Variants in ARHGAP42 observed in about 807,000 individuals in gnomAD.
ARHGAP42 encodes the protein rho GTPase-activating protein 42.
A neutral mutation model predicts 125.0 loss-of-function variants in ARHGAP42; 63 were observed. That is an observed-to-expected ratio of 0.50 (90% CI 0.41 to 0.62). ARHGAP42 has a LOEUF of 0.62. Ranked by LOEUF, ARHGAP42 falls within the 20% of genes least tolerant of loss-of-function variation. ARHGAP42 has a pLI of 0.00. For synonymous variants in ARHGAP42, 339 were observed against 351.0 expected (o/e 0.97, Z 0.38); for missense variants, 766 against 1,024.2 (o/e 0.75, Z 3.44).
chr11:100,791,673 C>T (rs1232901467), intron 2 of ARHGAP42, among the ~76,000 whole-genome samples: 2 of 150,492 alleles, frequency 1.3e-5, no homozygotes, highest in Non-Finnish European at 3.0e-5. Context: ...AAGTCCTTTC[C>T]CTGAAAAATC....
intron 23 of ARHGAP42, 123 bp downstream of exon 23, chr11:100,987,715 A>G (rs1252548508): frequency 9.2e-6 from 8 of 865,778 alleles, no homozygotes; most frequent in African/African-American, 1.7e-5. Context: ...CCTGCCTCTC[A>G]TAACGGGCAT....
At chr11:100,779,516 A>G (rs1278496421) in intron 2 of ARHGAP42, among the ~76,000 whole-genome samples, 2 of 142,994 alleles carry the variant, frequency 1.4e-5, no homozygotes, top group African/African-American at 5.1e-5. Context: ...ACGTATATAT[A>G]TACGTATACA....
intron 1 of ARHGAP42, among the ~76,000 whole-genome samples, chr11:100,760,907 G>A (rs910122154): frequency 2.0e-5 from 3 of 152,092 alleles, no homozygotes; most frequent in African/African-American, 7.2e-5. Flanking sequence ...GAAATGGGCT[G>A]TAACTGAGGC....
intron 1 of ARHGAP42, among the ~76,000 whole-genome samples, chr11:100,718,289 C>A (rs1206605842): frequency 6.6e-6 from 1 of 152,154 alleles, no homozygotes; most frequent in East Asian, 1.9e-4. Context: ...TTGTGAATAG[C>A]TCTTGAAGGT....
At chr11:100,894,442 A>G (rs1866293449) in intron 4 of ARHGAP42, among the ~76,000 whole-genome samples, 1 of 152,210 alleles carries the variant, frequency 6.6e-6, no homozygotes, top group African/African-American at 2.4e-5. Context: ...ACAAAATGTC[A>G]GCATTCACAG....
At chr11:100,941,913 T>C in intron 9 of ARHGAP42, 29 bp downstream of exon 9, 1 of 1,426,962 alleles carries the variant, frequency 7.0e-7, no homozygotes, top group Non-Finnish European at 9.5e-7. Context: ...CTGTTTGTTT[T>C]TTAAACTGTT....
intron 3 of ARHGAP42, among the ~76,000 whole-genome samples, chr11:100,830,319 A>G (rs1021313351): frequency 1.3e-5 from 2 of 152,182 alleles, no homozygotes; most frequent in African/African-American, 2.4e-5. Flanking sequence ...CAGTTTGGAA[A>G]AGGATACCAT....
At chr11:100,714,851 G>C (rs1591123342) in intron 1 of ARHGAP42, among the ~76,000 whole-genome samples, 1 of 151,826 alleles carries the variant, frequency 6.6e-6, no homozygotes, top group South Asian at 2.1e-4. Flanking sequence ...TTCAAGACCA[G>C]CCTGGGCAGC....
intron 5 of ARHGAP42, 46 bp downstream of exon 5, chr11:100,913,599 A>G (rs1866984637): frequency 9.3e-7 from 1 of 1,076,304 alleles, no homozygotes; most frequent in Non-Finnish European, 1.2e-6. Context: ...TAAGTCATAT[A>G]AAGTCAAAAT....
intron 22 of ARHGAP42, among the ~76,000 whole-genome samples, chr11:100,985,806 G>C (rs1338043545): frequency 6.6e-6 from 1 of 152,226 alleles, no homozygotes; most frequent in Admixed American, 6.5e-5. Flanking sequence ...TCTTCAGATA[G>C]TCTTTGGGAA....
intron 3 of ARHGAP42, among the ~76,000 whole-genome samples, chr11:100,828,012 T>G (rs542365801): frequency 1.3e-5 from 2 of 152,188 alleles, no homozygotes; most frequent in Non-Finnish European, 2.9e-5. Context: ...CTGCCCACAG[T>G]CTCATCCCTG....
At chr11:100,836,730 C>CTTTTTTTTTTTTTTTTTTTTTT (rs200596327) in intron 3 of ARHGAP42, among the ~76,000 whole-genome samples, 1 of 123,254 alleles carries the variant, frequency 8.1e-6, no homozygotes, top group Non-Finnish European at 1.7e-5. Flanking sequence ...TTGTTGTTTT[C>CTTTTTTTTTTTTTTTTTTTTTT]TTTTTTTTTT....
At chr11:100,947,860 C>A (rs1868066467) in intron 10 of ARHGAP42, among the ~76,000 whole-genome samples, 1 of 151,964 alleles carries the variant, frequency 6.6e-6, no homozygotes, top group Admixed American at 6.6e-5. Context: ...CTCCCTTCCT[C>A]TCCCTAGTCT....
chr11:100,873,245 C>T (rs1865736909), intron 4 of ARHGAP42, among the ~76,000 whole-genome samples: 1 of 152,204 alleles, frequency 6.6e-6, no homozygotes, highest in Admixed American at 6.5e-5. Context: ...GCAGCTGCTA[C>T]ATTTAGCCTT....
chr11:100,736,325 G>A (rs879466601), intron 1 of ARHGAP42, among the ~76,000 whole-genome samples: 20 of 152,060 alleles, frequency 1.3e-4, no homozygotes, highest in Non-Finnish European at 2.4e-4. Context: ...GATGCATGCC[G>A]GGGGCTTCCC....
chr11:100,837,664 TCC>T (rs148601048), intron 3 of ARHGAP42, among the ~76,000 whole-genome samples: 22,632 of 106,142 alleles, frequency 0.21, 2,273 homozygotes, highest in East Asian at 0.29. Flanking sequence ...CTAGGTGTCA[TCC>T]TTTTTTTTTT....
chr11:100,883,909 G>A (rs1866021078), intron 4 of ARHGAP42, among the ~76,000 whole-genome samples: 1 of 152,110 alleles, frequency 6.6e-6, no homozygotes, highest in Admixed American at 6.6e-5. Context: ...TTAGAAGTTG[G>A]TATCCAGGAC....
intron 4 of ARHGAP42, among the ~76,000 whole-genome samples, chr11:100,889,953 C>T (rs79726577): frequency 0.012 from 1,770 of 152,252 alleles, 23 homozygotes; most frequent in Middle Eastern, 0.044. Context: ...CAAGGCCAGT[C>T]TTTTGGACTT....
intron 3 of ARHGAP42, among the ~76,000 whole-genome samples, chr11:100,803,477 GA>G (rs1863914114): frequency 6.6e-6 from 1 of 152,140 alleles, no homozygotes; most frequent in Non-Finnish European, 1.5e-5. Flanking sequence ...AGATGTGGTA[GA>G]ATCAAGGTAG....
Sources: allele counts gnomAD v4.1 joint callset (sites outside exome capture counted in the v4.1 genomes callset), GRCh38; gene constraint gnomAD v4.1.1; transcripts MANE v1.5; gene names NCBI Gene and HGNC (gene_info 2026-07-23, HGNC 2026-07-21).